Variants in DNAH17 observed in about 807,000 individuals in gnomAD.
DNAH17 encodes axonemal beta dynein heavy chain 17.
In DNAH17, 376 loss-of-function variants were observed where a neutral mutation model predicts 485.6. The ratio of observed to expected loss-of-function variants is 0.77; its 90% CI spans 0.71 to 0.84. The LOEUF (loss-of-function observed/expected upper bound fraction) is 0.84, where lower values mean the gene tolerates loss of function less well. DNAH17 is among the 40% of genes least tolerant of loss of function. The probability of loss-of-function intolerance (pLI) is 0.00; values close to 1 mark genes in which losing one functional copy is unlikely to be tolerated. For synonymous variants in DNAH17, 3,031 were observed against 2,405.9 expected (o/e 1.26, Z -7.60); for missense variants, 6,370 against 5,839.3 (o/e 1.09, Z -2.96).
rs760547754 is a variant in DNAH17, at chr17:78,499,053, C to T, written c.5700G>A (p.Glu1900=). The change falls in exon 37 of 81, where the codon GAG becomes GAA. Residue 1900 remains glutamate, a synonymous_variant. Coordinates refer to ENST00000389840, the MANE Select transcript of DNAH17 (RefSeq NM_173628.4). ...AGACTTCCACTGAGATGCGATTAAACTCGTCAAAGCAGCCCCAGGCTCCCG... is the reference window on the plus strand; with the variant it reads ...AGACTTCCACTGAGATGCGATTAAATTCGTCAAAGCAGCCCCAGGCTCCCG... ...AQTGAWGCFD[E]FNRISVEVLS... 3.7e-6 allele frequency: 6 copies of T among 1,610,972 alleles called. No individual in the cohort carries two copies. The East Asian group carries it at 1.3e-4, about 36-fold the overall frequency.
At chr17:78,493,798 A>G (rs1052922421) in intron 41 of DNAH17, among the ~76,000 whole-genome samples, 16 of 152,218 alleles carry the variant, frequency 1.1e-4, no homozygotes, top group Admixed American at 4.6e-4. Context: ...GCAGGAAGAC[A>G]AGGAGGAACA....
chr17:78,461,041 C>T (rs1167494993), intron 58 of DNAH17, among the ~76,000 whole-genome samples: 2 of 151,970 alleles, frequency 1.3e-5, no homozygotes, highest in East Asian at 1.9e-4. Context: ...AAGACGCTCC[C>T]GCTAAGCCGT....
At chr17:78,458,543 G>A in intron 62 of DNAH17, 22 bp downstream of exon 62, 1 of 1,590,658 alleles carries the variant, frequency 6.3e-7, no homozygotes. Context: ...GCAGGAGGGT[G>A]GTCTCGGGGA....
At chr17:78,554,526 A>T (rs537706048) in intron 14 of DNAH17, among the ~76,000 whole-genome samples, 1 of 149,256 alleles carries the variant, frequency 6.7e-6, no homozygotes, top group East Asian at 2.0e-4. Context: ...AAATTAATTT[A>T]ATGCTTGAAA....
chr17:78,507,712 C>T lies in DNAH17; in HGVS notation c.4330G>A (p.Val1444Met), dbSNP rs527861500. The part of the protein sequence containing the change: ...TGTMMLKSSE[V>M]LVETLEDNQV... Reference sequence around the variant, plus strand: ...TTGTCCTCCAGCGTCTCCACCAGCACCTCGCTGGACTTGAGCATCATGGTG... The same window carrying T: ...TTGTCCTCCAGCGTCTCCACCAGCATCTCGCTGGACTTGAGCATCATGGTG... The change falls in exon 28 of 81, where the codon GTG becomes ATG. Residue 1444 changes from valine to methionine, a missense_variant. Transcript: ENST00000389840. 25 of 1,607,888 alleles carry T rather than the reference C, an allele frequency of 1.6e-5. No individual in the cohort carries two copies. In the Admixed American group the frequency reaches 2.5e-4, roughly 16 times the overall value.
At chr17:78,538,138 C>CAAAA (rs60460125) in intron 18 of DNAH17, among the ~76,000 whole-genome samples, 36 of 106,256 alleles carry the variant, frequency 3.4e-4, no homozygotes, top group Non-Finnish European at 5.4e-4. Flanking sequence ...ACTCTGTCTC[C>CAAAA]AAAAAAAAAA....
Position 78,529,388 on chromosome 17 carries a change from TGCGTTTGATGGGCTGGTCCATGGTC to T in DNAH17, c.3507+59_3507+83del, listed in dbSNP as rs1402027371. On this transcript the variant is annotated intron_variant, in intron 22 of 80. Transcript: ENST00000389840. ...TCTAGCCCACAGCATCCCCCATGGT[TGCGTTTGATGGGCTGGTCCATGGTC>T]GCGGCCGGGATGGCTCTCCCTGCTC... is the stretch of plus-strand genomic sequence containing the variant. 3 of 1,312,504 alleles carry T rather than the reference TGCGTTTGATGGGCTGGTCCATGGTC, an allele frequency of 2.3e-6. No individual in the cohort carries two copies. The African/African-American group carries it at 4.3e-5, about 19-fold the overall frequency. The allele number at this position is 1,312,504 out of a possible 1,614,324, so 81.3% of individuals were successfully genotyped here.
rs560849934 is a variant in DNAH17 at position 78,554,298 on chromosome 17, G to A, written c.2179-1493C>T. On this transcript the variant is annotated intron_variant, in intron 14 of 80. Coordinates refer to ENST00000389840, the MANE Select transcript of DNAH17 (RefSeq NM_173628.4). ...CTACTAAAAATACAAAAATTAGCCCGGTGTGGTGGTGTGCACCTGTAATCC... is the reference window on the plus strand; with the variant it reads ...CTACTAAAAATACAAAAATTAGCCCAGTGTGGTGGTGTGCACCTGTAATCC... Among the ~76,000 whole-genome samples, 33 of 151,864 alleles carry A rather than the reference G, an allele frequency of 2.2e-4. 1 individual carries two copies. The highest frequency in any genetic ancestry group is 2.1e-3 in the South Asian group (10 of 4,804).
Position 78,567,038 on chromosome 17 carries a change from A to G in DNAH17, c.1413T>C (p.Phe471=), listed in dbSNP as rs781449942. 1 of 1,613,556 alleles carries G rather than the reference A, an allele frequency of 6.2e-7. No homozygotes were observed. The highest frequency in any genetic ancestry group is 1.3e-5 in the African/African-American group (1 of 74,898). Residue 471 remains phenylalanine, a synonymous_variant, in exon 10 of 81, where the codon TTT becomes TTC. Transcript: ENST00000389840. ...YDEVFELVKV[F]ADCKYDPLDP... ...CCAAGGGATCATATTTGCAGTCGGC[A>G]AAAACCTTCACCAGCTCAAAGACCT...
intron 57 of DNAH17, 63 bp from the exon 58 acceptor site, chr17:78,461,771 C>G (rs1040383788): frequency 3.9e-6 from 6 of 1,524,462 alleles, no homozygotes; most frequent in African/African-American, 1.4e-5. Context: ...CCGCCCTGCA[C>G]TGGGCAGACG....
At position 78,569,784 on chromosome 17, in the gene DNAH17, C is replaced by T. The variant is rs373882064; in HGVS notation, c.1045-257G>A. On this transcript the variant is annotated intron_variant, in intron 7 of 80. Transcript: ENST00000389840. ...GAGGCCCTCCAGGGACAGGGGACCC[C>T]GGTGCCCTTCTGGTCCTGCAGACGG... 1.1e-4 allele frequency among the ~76,000 whole-genome samples: 16 copies of T among 152,270 alleles called. No individual in the cohort carries two copies. The East Asian group carries it at 1.4e-3, about 13-fold the overall frequency.
intron 69 of DNAH17, among the ~76,000 whole-genome samples, chr17:78,447,280 G>T (rs1215893286): frequency 1.3e-5 from 2 of 152,342 alleles, no homozygotes; most frequent in South Asian, 2.1e-4. Flanking sequence ...TGATGTACAG[G>T]AATGTGGACA....
intron 26 of DNAH17, among the ~76,000 whole-genome samples, chr17:78,513,467 ACT>A (rs1221211915): frequency 1.2e-4 from 18 of 151,966 alleles, no homozygotes; most frequent in Admixed American, 1.2e-3. Context: ...ACACAGTTTC[ACT>A]CTGTCACCCA....
chr17:78,493,569 G>A (rs1337784504), intron 41 of DNAH17, among the ~76,000 whole-genome samples: 2 of 152,206 alleles, frequency 1.3e-5, no homozygotes, highest in African/African-American at 2.4e-5. Flanking sequence ...TGTGACTGGC[G>A]GTGGGAGTGA....
At chr17:78,455,552 C>G in intron 63 of DNAH17, 92 bp downstream of exon 63, 1 of 977,266 alleles carries the variant, frequency 1.0e-6, no homozygotes, top group South Asian at 2.0e-5. Flanking sequence ...CTCATGAACT[C>G]CTGGCCTCAA....
chr17:78,449,921 C>A (rs2087473432), intron 68 of DNAH17: 2 of 437,286 alleles, frequency 4.6e-6, no homozygotes, highest in Admixed American at 7.3e-5. Flanking sequence ...GGTGATCCAC[C>A]CGCCTCGGCC....
Position 78,502,711 on chromosome 17 carries a change from A to ACC in DNAH17, c.5083-15_5083-14dup, listed in dbSNP as rs557164854. The ACC allele has an allele frequency of 3.2e-3, 5,193 of 1,609,362 alleles. 18 individuals are homozygous for ACC. Among genetic ancestry groups the ACC allele is most frequent in the South Asian group, 4.5e-3 (411 of 90,812 alleles). ...AAGTCAGGGCCACCTGAAAGTACAT[A>ACC]CCCCCCATTGCCCACGCAGTGAGCG... On this transcript the variant is annotated splice_polypyrimidine_tract_variant and intron_variant, in intron 32 of 80. Coordinates refer to ENST00000389840, the MANE Select transcript of DNAH17 (RefSeq NM_173628.4).
chr17:78,484,165 A>C (rs1205596491), intron 48 of DNAH17, among the ~76,000 whole-genome samples: 2 of 148,574 alleles, frequency 1.3e-5, no homozygotes, highest in African/African-American at 5.0e-5. Flanking sequence ...CAAACTGCAA[A>C]CCTAAACGTG....
At chr17:78,572,658 C>A in intron 3 of DNAH17, 43 bp downstream of exon 3, 1 of 1,527,858 alleles carries the variant, frequency 6.5e-7, no homozygotes, top group Non-Finnish European at 8.8e-7. Context: ...GCATGTGCCT[C>A]TTCCCCACCC....
Sources: gnomAD v4.1 joint callset for allele counts (sites outside exome capture counted in the v4.1 genomes callset) on GRCh38, gnomAD v4.1.1 for gene constraint, MANE v1.5 for transcripts, NCBI Gene and HGNC (gene_info 2026-07-23, HGNC 2026-07-21) for gene names.